ARHGEF7: variants seen among roughly 807,000 people sequenced by gnomAD.
The protein encoded by ARHGEF7 is Rho guanine nucleotide exchange factor 7.
In ARHGEF7, 33 loss-of-function variants were observed where a neutral mutation model predicts 109.8. The ratio of observed to expected loss-of-function variants is 0.30; its 90% CI spans 0.23 to 0.40. The LOEUF (loss-of-function observed/expected upper bound fraction) is 0.40. ARHGEF7 is among the 10% of genes least tolerant of loss of function. ARHGEF7 has a pLI of 1.00. For missense variants in ARHGEF7, 938 were observed against 1,098.5 expected, an observed-to-expected ratio of 0.85 and a Z score of 2.07; for synonymous variants, 458 against 424.6, an observed-to-expected ratio of 1.08 and a Z score of -0.97.
chr13:111,186,828 T>C (rs1215919146), intron 2 of ARHGEF7: 1 of 985,398 alleles, frequency 1.0e-6, no homozygotes, highest in Non-Finnish European at 1.2e-6. Context: ...AGTCCCACAT[T>C]GCAGAGGCCT....
chr13:111,300,904 G>GAGTCC, intron 20 of ARHGEF7, 57 bp downstream of exon 20: 3 of 1,175,876 alleles, frequency 2.6e-6, no homozygotes, highest in Non-Finnish European at 3.7e-6. Context: ...TGGGGTAGTA[G>GAGTCC]AGTCCAGACA....
intron 5 of ARHGEF7, among the ~76,000 whole-genome samples, chr13:111,232,545 A>T (rs1247059823): frequency 6.6e-6 from 1 of 152,342 alleles, no homozygotes; most frequent in African/African-American, 2.4e-5. Context: ...AGCACCTGTT[A>T]TGCAGAGTAA....
chr13:111,134,815 A>T (rs1366322568), intron 1 of ARHGEF7, among the ~76,000 whole-genome samples: 5 of 151,970 alleles, frequency 3.3e-5, no homozygotes, highest in Admixed American at 6.5e-5. Flanking sequence ...CCATTTGTCA[A>T]TTTTGGCTTT....
rs1255520291 is a variant in ARHGEF7, at chr13:111,258,382, G to A, written c.951-9166G>A. Among the ~76,000 whole-genome samples the A allele has an allele frequency of 2.0e-5, 3 of 152,224 alleles. No homozygotes were observed. Among genetic ancestry groups the A allele is most frequent in the African/African-American group, 4.8e-5 (2 of 41,464 alleles). The stretch of plus-strand genomic sequence containing the variant: ...TAGAGAATAAGAGGAGAGGAAAGAC[G>A]GCTTTGTCTTGCAGCTTGGATACCA... On this transcript the variant is annotated intron_variant, in intron 8 of 21. Coordinates refer to ENST00000646102, the MANE Select transcript of ARHGEF7 (RefSeq NM_001354046.2). This position sits in a 1 kb window ranked among gnomAD's most constrained non-coding sequence, Gnocchi z 4.4.
At chr13:111,300,574 A>G (rs2093541816) in intron 19 of ARHGEF7, among the ~76,000 whole-genome samples, 174 bp from the exon 20 acceptor site, 1 of 152,228 alleles carries the variant, frequency 6.6e-6, no homozygotes, top group Non-Finnish European at 1.5e-5. Context: ...CTCGGTAGAC[A>G]GAGGTGAAGA....
At chr13:111,242,597 G>A (rs991187109) in intron 6 of ARHGEF7, among the ~76,000 whole-genome samples, 5 of 152,222 alleles carry the variant, frequency 3.3e-5, no homozygotes, top group African/African-American at 1.2e-4. Flanking sequence ...CACTAGCTCT[G>A]TAACAGACTC....
At chr13:111,226,112 T>G (rs951477046) in intron 5 of ARHGEF7, among the ~76,000 whole-genome samples, 2 of 152,228 alleles carry the variant, frequency 1.3e-5, no homozygotes, top group Admixed American at 6.5e-5. Flanking sequence ...GGAGAAAGTT[T>G]GAGTGGTGTG....
intron 19 of ARHGEF7, chr13:111,294,754 C>T (rs2093387695): frequency 3.0e-6 from 3 of 985,242 alleles, no homozygotes; most frequent in Admixed American, 6.2e-5. Flanking sequence ...TCTGTTCATA[C>T]AATTCTGTAA....
At chr13:111,199,424 T>G (rs562484972) in intron 2 of ARHGEF7, among the ~76,000 whole-genome samples, 1 of 152,240 alleles carries the variant, frequency 6.6e-6, no homozygotes, top group Middle Eastern at 3.2e-3. Flanking sequence ...ATATTTCTGC[T>G]AGTAGTCGTC....
intron 8 of ARHGEF7, among the ~76,000 whole-genome samples, chr13:111,252,194 A>G (rs1249352116): frequency 1.3e-5 from 2 of 152,250 alleles, no homozygotes; most frequent in Non-Finnish European, 2.9e-5. Flanking sequence ...GTAGAATAGG[A>G]CAGAGTGAAA....
intron 2 of ARHGEF7, among the ~76,000 whole-genome samples, chr13:111,204,336 C>T (rs1456044515): frequency 3.3e-5 from 5 of 152,082 alleles, no homozygotes; most frequent in South Asian, 2.1e-4. Flanking sequence ...ACAGGATACA[C>T]GTTTTGGTTT....
intron 2 of ARHGEF7, among the ~76,000 whole-genome samples, chr13:111,194,743 C>T (rs940168897): frequency 3.3e-5 from 5 of 152,192 alleles, no homozygotes; most frequent in Non-Finnish European, 7.3e-5. Context: ...AATGCCTGAC[C>T]AAACAGGTGA....
intron 2 of ARHGEF7, among the ~76,000 whole-genome samples, chr13:111,163,793 C>T (rs1422486064): frequency 6.6e-6 from 1 of 152,096 alleles, no homozygotes; most frequent in Non-Finnish European, 1.5e-5. Flanking sequence ...CCTCAGCCTC[C>T]CAGAGTGCTG....
intron 8 of ARHGEF7, among the ~76,000 whole-genome samples, chr13:111,264,744 G>A (rs569576309): frequency 5.8e-4 from 89 of 152,352 alleles, no homozygotes; most frequent in African/African-American, 2.0e-3. Flanking sequence ...AGACTAGTAT[G>A]TGGAGGGAGC....
At chr13:111,296,546 G>C (rs1427898043) in intron 19 of ARHGEF7, among the ~76,000 whole-genome samples, 1 of 152,092 alleles carries the variant, frequency 6.6e-6, no homozygotes, top group Admixed American at 6.6e-5. Context: ...CATTATATTC[G>C]TGTTTTTCTT....
intron 14 of ARHGEF7, 60 bp downstream of exon 14, chr13:111,280,410 C>T (rs1304142173): frequency 4.5e-5 from 72 of 1,582,792 alleles, no homozygotes; most frequent in Admixed American, 2.6e-4. Context: ...CTTGTCCCCG[C>T]GTGCAGATTC....
intron 2 of ARHGEF7, among the ~76,000 whole-genome samples, chr13:111,192,720 G>GAGCCCT (rs2080038929): frequency 0.011 from 1 of 92 alleles, no homozygotes; most frequent in African/African-American, 0.031. Flanking sequence ...CGCCCTGGAA[G>GAGCCCT]GGTACCGAGT....
chr13:111,224,809 C>T (rs1219910693), intron 5 of ARHGEF7, among the ~76,000 whole-genome samples: 1 of 152,202 alleles, frequency 6.6e-6, no homozygotes, highest in East Asian at 1.9e-4. Flanking sequence ...ACCTTGCCTT[C>T]CTTCGTGCCA....
At chr13:111,159,101 T>A (rs1304552773) in intron 2 of ARHGEF7, 2 of 717,984 alleles carry the variant, frequency 2.8e-6, no homozygotes, top group Admixed American at 2.0e-5. Context: ...TGAGTTCAGC[T>A]TTTTTACACT....
Sources: gnomAD v4.1 joint callset for allele counts (sites outside exome capture counted in the v4.1 genomes callset) on GRCh38, gnomAD v4.1.1 for gene constraint, Gnocchi (gnomAD v3.1) non-coding constraint, MANE v1.5 for transcripts, NCBI Gene and HGNC (gene_info 2026-07-23, HGNC 2026-07-21) for gene names.